Variants in GPM6A observed in about 807,000 individuals in gnomAD.
GPM6A encodes glycoprotein M6A.
In GPM6A, 7 loss-of-function variants were observed where a neutral mutation model predicts 32.1. The ratio of observed to expected loss-of-function variants is 0.22; its 90% CI spans 0.12 to 0.41. The LOEUF (loss-of-function observed/expected upper bound fraction) is 0.41. Ranked by LOEUF, GPM6A falls within the 10% of genes least tolerant of loss-of-function variation. The pLI, the probability that GPM6A is intolerant of heterozygous loss-of-function variation, is 1.00. For synonymous variants in GPM6A, 130 were observed against 123.4 expected, an observed-to-expected ratio of 1.05 and a Z score of -0.35; for missense variants, 235 against 347.2, an observed-to-expected ratio of 0.68 and a Z score of 2.57.
At chr4:175,812,339 T>TTTTTTTTTGA, upstream of GPM6A, 1 of 1,304,908 alleles carries the variant, frequency 7.7e-7, no homozygotes, top group Non-Finnish European at 1.0e-6. Flanking sequence ...TTTTTTTTTT[T>TTTTTTTTTGA]TCCTGGGAAG....
At chr4:175,813,035 T>C (rs1051629231), upstream of GPM6A, 25 of 984,114 alleles carry the variant, frequency 2.5e-5, no homozygotes, top group Non-Finnish European at 3.0e-5. Context: ...GAGAGATACA[T>C]GTTTTAAGTA....
chr4:175,787,617 C>CTTTTGCTTTACTGA, intron 1 of GPM6A: 1 of 1,323,094 alleles, frequency 7.6e-7, no homozygotes, highest in East Asian at 3.0e-5. Flanking sequence ...AAATCACAAC[C>CTTTTGCTTTACTGA]CATGTATCTA....
chr4:175,777,079 G>A (rs1278643972), intron 1 of GPM6A, among the ~76,000 whole-genome samples: 1 of 152,188 alleles, frequency 6.6e-6, no homozygotes, highest in Admixed American at 6.5e-5. Context: ...TATTAAGGAT[G>A]CATGTGTAAA....
At chr4:175,777,169 G>C (rs1733429856) in intron 1 of GPM6A, among the ~76,000 whole-genome samples, 2 of 152,124 alleles carry the variant, frequency 1.3e-5, no homozygotes, top group Admixed American at 6.6e-5. Flanking sequence ...AGGCTTTGGA[G>C]GAGAATAATT....
rs1410299867 is a variant in GPM6A at position 175,952,981 on chromosome 4, GA to G, written c.-23+49327del. 7.5e-5 allele frequency among the ~76,000 whole-genome samples: 11 copies of G among 146,712 alleles called. No homozygotes were observed. The East Asian group carries it at 2.0e-3, about 27-fold the overall frequency. ...GTGGGTAGAGGCTGCAGTGAGCCAA[GA>G]TCACACTACTGCTCTCCAGTGTGGG... On this transcript the variant is annotated intron_variant, in intron 1 of 7. Coordinates refer to the GPM6A transcript ENST00000280187.
intron 1 of GPM6A, among the ~76,000 whole-genome samples, chr4:175,953,697 C>A (rs560417962): frequency 8.5e-5 from 13 of 152,064 alleles, no homozygotes; most frequent in Non-Finnish European, 1.9e-4. Context: ...AGGTCGGGAT[C>A]GAGACCAGCC....
chr4:175,720,138 A>C (rs1746038725), intron 1 of GPM6A, among the ~76,000 whole-genome samples: 1 of 152,184 alleles, frequency 6.6e-6, no homozygotes, highest in African/African-American at 2.4e-5. Context: ...ATCTCATATG[A>C]CTTTTAGACG....
In GPM6A at chr4:175,818,715, G is replaced by A. The variant is rs572629730; in HGVS notation, c.-22-6466C>T. Among the ~76,000 whole-genome samples the A allele has an allele frequency of 2.6e-5, 4 of 152,350 alleles. No homozygotes were observed. The East Asian group carries it at 7.7e-4, about 29-fold the overall frequency. ...ATCTGCTTCCACAAAATATTTTAGA[G>A]GGTGAACATAATTTACAATAACTTG... On this transcript the variant is annotated intron_variant, in intron 1 of 7. Transcript: ENST00000280187.
intron 1 of GPM6A, among the ~76,000 whole-genome samples, chr4:175,947,252 T>C (rs1387983144): frequency 1.3e-5 from 2 of 151,996 alleles, no homozygotes; most frequent in African/African-American, 4.8e-5. Flanking sequence ...TCAATTCTTA[T>C]GTGTTTATTT....
intron 1 of GPM6A, chr4:176,002,225 G>C (rs879620411): frequency 5.7e-6 from 8 of 1,398,304 alleles, no homozygotes; most frequent in Non-Finnish European, 8.0e-6. Flanking sequence ...GTCTGAGGCC[G>C]AGGAACATTC....
intron 1 of GPM6A, among the ~76,000 whole-genome samples, chr4:175,780,114 C>G (rs1261826461): frequency 2.7e-5 from 4 of 150,222 alleles, no homozygotes; most frequent in Admixed American, 2.0e-4. Flanking sequence ...GTGGCGTGAT[C>G]TCGGCTCACT....
intron 1 of GPM6A, among the ~76,000 whole-genome samples, chr4:175,834,504 T>A (rs930551105): frequency 6.6e-6 from 1 of 152,212 alleles, no homozygotes; most frequent in Non-Finnish European, 1.5e-5. Context: ...TCTTCTTTAC[T>A]CCTTTTGTAT....
At chr4:175,740,228 T>C (rs2111164276) in intron 1 of GPM6A, among the ~76,000 whole-genome samples, 1 of 152,174 alleles carries the variant, frequency 6.6e-6, no homozygotes, top group Admixed American at 6.5e-5. Flanking sequence ...ATAGAAATTG[T>C]ATTAAAATTA....
At chr4:175,715,139 C>A (rs918688670) in intron 1 of GPM6A, among the ~76,000 whole-genome samples, 2 of 152,116 alleles carry the variant, frequency 1.3e-5, no homozygotes, top group Non-Finnish European at 2.9e-5. Flanking sequence ...CATAAATGTT[C>A]CTCCCCTAAA....
chr4:175,793,828 T>C (rs1734106909), intron 1 of GPM6A, among the ~76,000 whole-genome samples: 1 of 152,240 alleles, frequency 6.6e-6, no homozygotes, highest in Admixed American at 6.5e-5. Flanking sequence ...AAATTCTTCC[T>C]GGTATTTAGA....
At position 175,997,923 on chromosome 4, in the gene GPM6A, TCCTTCTTCAATCAAACAG is replaced by T. The variant is rs370925908; in HGVS notation, c.-23+4368_-23+4385del. Among the ~76,000 whole-genome samples, 1,210 of 152,280 alleles carry T rather than the reference TCCTTCTTCAATCAAACAG, an allele frequency of 7.9e-3. 7 individuals carry two copies. The highest frequency in any genetic ancestry group is 0.027 in the African/African-American group (1,141 of 41,558). On this transcript the variant is annotated intron_variant, in intron 1 of 7. Coordinates refer to the GPM6A transcript ENST00000280187. The stretch of plus-strand genomic sequence containing the variant: ...TTTAGTACGTATCATGCAGTTGGCA[TCCTTCTTCAATCAAACAG>T]GATTTATCCTTTCCCTCCCTGTCCC...
chr4:175,816,964 A>G (rs879815646), upstream of GPM6A, among the ~76,000 whole-genome samples: 5 of 151,642 alleles, frequency 3.3e-5, no homozygotes, highest in Non-Finnish European at 7.4e-5. Flanking sequence ...GGTTCACGCC[A>G]TTCTCCTGCC....
rs146249105 is a variant in GPM6A, at chr4:175,859,267, G to A, written c.-22-47018C>T. Among the ~76,000 whole-genome samples, 618 of 152,252 alleles carry A rather than the reference G, an allele frequency of 4.1e-3. 4 individuals are homozygous for A. Among genetic ancestry groups the A allele is most frequent in the Non-Finnish European group, 6.9e-3 (466 of 68,014 alleles). ...CTTTCAATAAAGCTGTTAAAAATATGACTAGTCACAAAGAAATATACTAAA... is the reference window on the plus strand; with the variant it reads ...CTTTCAATAAAGCTGTTAAAAATATAACTAGTCACAAAGAAATATACTAAA... On this transcript the variant is annotated intron_variant, in intron 1 of 7. Transcript: ENST00000280187.
chr4:175,839,094 C>T lies in GPM6A; in HGVS notation c.-22-26845G>A, dbSNP rs1168795204. Reference sequence around the variant, plus strand: ...TAGTGTCTTTTCATTTAAGATTATCCAATATAAAGTAAGCATTAATAGCCT... The same window carrying T: ...TAGTGTCTTTTCATTTAAGATTATCTAATATAAAGTAAGCATTAATAGCCT... On this transcript the variant is annotated intron_variant, in intron 1 of 7. Coordinates refer to the GPM6A transcript ENST00000280187. 2.6e-5 allele frequency among the ~76,000 whole-genome samples: 4 copies of T among 151,970 alleles called. No individual in the cohort carries two copies. In the South Asian group the frequency reaches 6.2e-4, roughly 24 times the overall value.
Sources: allele counts gnomAD v4.1 joint callset (sites outside exome capture counted in the v4.1 genomes callset), GRCh38; gene constraint gnomAD v4.1.1; transcripts MANE v1.5; gene names NCBI Gene and HGNC (gene_info 2026-07-23, HGNC 2026-07-21).